FTO: variants seen among roughly 807,000 people sequenced by gnomAD.
FTO encodes the protein alpha-ketoglutarate-dependent dioxygenase FTO.
Under a neutral mutation model 63.9 loss-of-function variants are expected in FTO, and 47 were observed. The ratio of observed to expected loss-of-function variants is 0.74; its 90% CI spans 0.58 to 0.94. The LOEUF (loss-of-function observed/expected upper bound fraction) is 0.94, where lower values mean the gene tolerates loss of function less well. Ranked by LOEUF, FTO falls within the 40% of genes least tolerant of loss-of-function variation. FTO has a pLI of 0.00. For synonymous variants in FTO, 207 were observed against 224.4 expected (o/e 0.92, Z 0.69); for missense variants, 562 against 618.1 (o/e 0.91, Z 0.96).
Position 53,888,846 on chromosome 16 carries a change from G to A in FTO, c.1134G>A (p.Trp378Ter). 1.2e-6 allele frequency: 2 copies of A among 1,614,066 alleles called. No homozygotes were observed. The highest frequency in any genetic ancestry group is 1.1e-5 in the South Asian group (1 of 91,076). Residue 378 changes from tryptophan to a stop codon, truncating the protein, a stop_gained, in exon 7 of 9, where the codon TGG (tryptophan) becomes TGA (stop). Transcript: ENST00000471389. LOFTEE classifies it high-confidence loss of function. ...ATGGTCCACAGGTCGAGTTTGAGTG[G>A]CTGAGGCAGTTTTGGTTTCAAGGCA... ...EEIHNEVEFE[W>*]LRQFWFQGNR...
intron 1 of FTO, among the ~76,000 whole-genome samples, chr16:53,739,306 C>T (rs1035983112): frequency 6.6e-5 from 10 of 151,942 alleles, no homozygotes; most frequent in Middle Eastern, 3.2e-3. Context: ...CCTGGGTTCA[C>T]ACCATTCTCC....
At chr16:53,704,070 G>T (rs1001438159), upstream of FTO, 2 of 1,118,808 alleles carry the variant, frequency 1.8e-6, no homozygotes, top group East Asian at 5.1e-5. Context: ...TTTCTACTCA[G>T]AGGGAGAATA....
intron 8 of FTO, chr16:54,061,856 A>G (rs2085584835): frequency 6.6e-6 from 1 of 152,200 alleles, no homozygotes; most frequent in Non-Finnish European, 1.5e-5. Flanking sequence ...ACTGTTGAGT[A>G]GCATTAGAAG....
chr16:53,714,165 G>A (rs980064053), intron 1 of FTO, among the ~76,000 whole-genome samples: 1 of 152,188 alleles, frequency 6.6e-6, no homozygotes, highest in African/African-American at 2.4e-5. Flanking sequence ...CTCTGAGGAG[G>A]AGATTTGTTG....
chr16:53,874,000 T>G, intron 5 of FTO, 135 bp downstream of exon 5: 1 of 690,964 alleles, frequency 1.4e-6, no homozygotes, highest in Non-Finnish European at 2.6e-6. Context: ...TCGTCTCTGT[T>G]TACTTGCTTT....
At chr16:53,710,743 G>A (rs1319965281) in intron 1 of FTO, among the ~76,000 whole-genome samples, 1 of 152,120 alleles carries the variant, frequency 6.6e-6, no homozygotes, top group Non-Finnish European at 1.5e-5. Context: ...ATAAAGATCT[G>A]GGTGTCTGAC....
At chr16:54,041,005 G>C (rs2085063149) in intron 8 of FTO, among the ~76,000 whole-genome samples, 1 of 152,164 alleles carries the variant, frequency 6.6e-6, no homozygotes, top group Non-Finnish European at 1.5e-5. Flanking sequence ...TTGCAAAAAT[G>C]CTTTGAAAAT....
chr16:53,898,455 C>T (rs2081326231), intron 7 of FTO, among the ~76,000 whole-genome samples: 1 of 152,134 alleles, frequency 6.6e-6, no homozygotes, highest in Admixed American at 6.6e-5. Flanking sequence ...TAACACTTTC[C>T]ACCAACTGCA....
intron 7 of FTO, among the ~76,000 whole-genome samples, chr16:53,891,083 C>G (rs558387311): frequency 6.6e-6 from 1 of 151,876 alleles, no homozygotes; most frequent in Admixed American, 6.6e-5. Flanking sequence ...CTCCGCCTCC[C>G]GAGTTCAAGT....
rs1415149744 is a variant in FTO at position 53,826,292 on chromosome 16, C to T, written c.552C>T (p.Ser184=). 6.2e-7 allele frequency: 1 copy of T among 1,614,104 alleles called. No homozygotes were observed. The highest frequency in any genetic ancestry group is 8.5e-7 in the Non-Finnish European group (1 of 1,179,968). The change falls in exon 3 of 9, where the codon TCC becomes TCT. Residue 184 remains serine, a synonymous_variant. Coordinates refer to ENST00000471389, the MANE Select transcript of FTO (RefSeq NM_001080432.3). ...ADFPRVGMGS[S]YNGQDEVDIK... Reference sequence around the variant, plus strand: ...TCCCCAGGGTTGGGATGGGTTCATCCTACAACGGACAAGATGAAGTGGACA... The same window carrying T: ...TCCCCAGGGTTGGGATGGGTTCATCTTACAACGGACAAGATGAAGTGGACA...
chr16:53,911,394 A>G, intron 7 of FTO: 2 of 703,282 alleles, frequency 2.8e-6, no homozygotes, highest in Non-Finnish European at 5.2e-6. Flanking sequence ...AGTGGAGGAA[A>G]GTCAGCGAAT....
chr16:54,037,291 G>A (rs2084962940), intron 8 of FTO, among the ~76,000 whole-genome samples: 1 of 152,190 alleles, frequency 6.6e-6, no homozygotes, highest in African/African-American at 2.4e-5. Flanking sequence ...AATGGAGAAT[G>A]TGGCACACAT....
At chr16:53,952,780 T>C (rs1351057464) in intron 8 of FTO, among the ~76,000 whole-genome samples, 2 of 152,232 alleles carry the variant, frequency 1.3e-5, no homozygotes, top group Non-Finnish European at 2.9e-5. Context: ...GTCCCAGAGC[T>C]AGACCTAATG....
chr16:53,874,310 A>G (rs150839892), intron 5 of FTO, among the ~76,000 whole-genome samples: 2 of 152,178 alleles, frequency 1.3e-5, no homozygotes, highest in Non-Finnish European at 2.9e-5. Context: ...TGTAAAGAGA[A>G]AGTTACAGGG....
At chr16:53,913,440 T>G (rs2081766350) in intron 7 of FTO, among the ~76,000 whole-genome samples, 1 of 152,202 alleles carries the variant, frequency 6.6e-6, no homozygotes, top group Non-Finnish European at 1.5e-5. Context: ...AGCATGAAAC[T>G]GTTCCCACTA....
chr16:54,097,900 T>C (rs1437447281), intron 8 of FTO, among the ~76,000 whole-genome samples: 7 of 151,346 alleles, frequency 4.6e-5, no homozygotes, highest in Admixed American at 2.6e-4. Context: ...GATTAAGGAG[T>C]GACCTGAAGG....
chr16:54,036,355 T>C (rs1599248796), intron 8 of FTO, among the ~76,000 whole-genome samples: 1 of 152,158 alleles, frequency 6.6e-6, no homozygotes, highest in East Asian at 1.9e-4. Context: ...TACGGCTGGA[T>C]TGAGGGAAAA....
intron 8 of FTO, among the ~76,000 whole-genome samples, chr16:54,076,219 G>A (rs1279041465): frequency 6.6e-6 from 1 of 152,016 alleles, no homozygotes; most frequent in Non-Finnish European, 1.5e-5. Context: ...TTAATCTTTC[G>A]ATCTTTACCT....
At chr16:53,720,292 T>C (rs2076005923) in intron 1 of FTO, among the ~76,000 whole-genome samples, 1 of 152,158 alleles carries the variant, frequency 6.6e-6, no homozygotes, top group Admixed American at 6.5e-5. Context: ...CCTTCCCTGC[T>C]TCATCTGAGA....
Sources: allele counts gnomAD v4.1 joint callset (sites outside exome capture counted in the v4.1 genomes callset), GRCh38; gene constraint gnomAD v4.1.1; transcripts MANE v1.5; gene names NCBI Gene and HGNC (gene_info 2026-07-23, HGNC 2026-07-21).